Variants in DAB1 observed in about 807,000 individuals in gnomAD.
DAB1 encodes disabled homolog 1.
A neutral mutation model predicts 64.6 loss-of-function variants in DAB1; 15 were observed. The ratio of observed to expected loss-of-function variants is 0.23; its 90% CI spans 0.16 to 0.36. The LOEUF is 0.36. Among genes scored for constraint, DAB1 ranks in the 10% least tolerant of loss-of-function variants. The probability of loss-of-function intolerance (pLI) is 1.00; values close to 1 mark genes in which losing one functional copy is unlikely to be tolerated. For missense variants in DAB1, 596 were observed against 706.7 expected (o/e 0.84, Z 1.78); for synonymous variants, 235 against 251.9 (o/e 0.93, Z 0.64).
At chr1:57,995,077 C>T (rs1445643859) in intron 5 of DAB1, among the ~76,000 whole-genome samples, 2 of 152,122 alleles carry the variant, frequency 1.3e-5, no homozygotes, top group African/African-American at 4.8e-5. Flanking sequence ...GAGCAAGTTA[C>T]CACCCCTCTC....
intron 2 of DAB1, among the ~76,000 whole-genome samples, chr1:57,163,171 G>A (rs777373806): frequency 1.3e-5 from 2 of 152,194 alleles, no homozygotes; most frequent in East Asian, 3.9e-4. Flanking sequence ...TCTGAGAGGG[G>A]GAAGGAAGAT....
chr1:57,269,232 CA>C (rs1267834885), intron 2 of DAB1, among the ~76,000 whole-genome samples: 1 of 152,118 alleles, frequency 6.6e-6, no homozygotes, highest in African/African-American at 2.4e-5. Flanking sequence ...GAGAGCACAG[CA>C]AAATAGAGTT....
chr1:57,085,315 C>T (rs916264818), intron 4 of DAB1, among the ~76,000 whole-genome samples: 11 of 152,250 alleles, frequency 7.2e-5, no homozygotes, highest in Non-Finnish European at 1.3e-4. Context: ...GTCCCTCCTT[C>T]CTGGCATAGA....
chr1:58,529,253 C>T (rs746693437), intron 1 of DAB1, among the ~76,000 whole-genome samples: 7 of 152,154 alleles, frequency 4.6e-5, no homozygotes, highest in Non-Finnish European at 7.3e-5. Context: ...TAGATTTAAA[C>T]AGCACCCAGA....
At chr1:58,465,504 A>G (rs1193529986) in intron 3 of DAB1, among the ~76,000 whole-genome samples, 1 of 152,224 alleles carries the variant, frequency 6.6e-6, no homozygotes, top group East Asian at 1.9e-4. Flanking sequence ...TGGGAAAAGG[A>G]GGCTACAGGC....
At chr1:58,305,949 C>T (rs1192670921) in intron 4 of DAB1, among the ~76,000 whole-genome samples, 1 of 152,158 alleles carries the variant, frequency 6.6e-6, no homozygotes, top group Non-Finnish European at 1.5e-5. Context: ...CCAGTGAACT[C>T]TCAGGCCTGG....
At chr1:57,346,702 C>T (rs1185712619) in intron 1 of DAB1, among the ~76,000 whole-genome samples, 2 of 152,152 alleles carry the variant, frequency 1.3e-5, no homozygotes, top group Admixed American at 1.3e-4. Context: ...CTCCTCTGAA[C>T]ATTTGTTCAA....
chr1:57,956,599 A>C (rs2100257328), intron 5 of DAB1, among the ~76,000 whole-genome samples: 1 of 152,322 alleles, frequency 6.6e-6, no homozygotes, highest in South Asian at 2.1e-4. Flanking sequence ...CAGCACACCA[A>C]AACAGGCAGA....
Position 57,137,296 on chromosome 1 carries a change from T to C in DAB1, c.208-655A>G, listed in dbSNP as rs772731971. Among the ~76,000 whole-genome samples, 78 of 152,274 alleles carry C rather than the reference T, an allele frequency of 5.1e-4. 1 individual carries two copies. The highest frequency in any genetic ancestry group is 3.4e-4 in the Non-Finnish European group (23 of 68,018). ...TCAAATGTTTTATAAGCCGAAGATA[T>C]GTCTATGAGTTAGTGAGAAGGTAAG... is the stretch of plus-strand genomic sequence containing the variant. On this transcript the variant is annotated intron_variant, in intron 3 of 14. Transcript: ENST00000371236.
At chr1:57,423,436 T>C (rs1233633982) in intron 1 of DAB1, among the ~76,000 whole-genome samples, 1 of 151,548 alleles carries the variant, frequency 6.6e-6, no homozygotes, top group African/African-American at 2.4e-5. Context: ...ATCTCAGCGC[T>C]ACGGAGGAGT....
chr1:57,010,649 G>C, intron 14 of DAB1, 31 bp downstream of exon 14: 2 of 1,248,544 alleles, frequency 1.6e-6, no homozygotes, highest in Non-Finnish European at 2.2e-6. Flanking sequence ...ATAGCTTAAG[G>C]GTAAAGGAGA....
At chr1:57,003,786 A>C (rs1645960359) in intron 14 of DAB1, among the ~76,000 whole-genome samples, 1 of 152,176 alleles carries the variant, frequency 6.6e-6, no homozygotes, top group Non-Finnish European at 1.5e-5. Context: ...AGTGAGGTAT[A>C]ATTTACATAC....
intron 3 of DAB1, among the ~76,000 whole-genome samples, chr1:58,396,137 G>T (rs116417497): frequency 1.2e-4 from 18 of 151,726 alleles, no homozygotes; most frequent in Admixed American, 4.6e-4. Context: ...GGGAGGGGAG[G>T]GGGGGATGGA....
At chr1:58,305,105 C>T (rs1662276051) in intron 4 of DAB1, among the ~76,000 whole-genome samples, 1 of 151,990 alleles carries the variant, frequency 6.6e-6, no homozygotes, top group South Asian at 2.1e-4. Context: ...ATCACAGGTG[C>T]AATTCACAGG....
chr1:57,488,188 G>C (rs533966709), intron 7 of DAB1, among the ~76,000 whole-genome samples: 3 of 152,156 alleles, frequency 2.0e-5, no homozygotes, highest in Middle Eastern at 3.4e-3. Flanking sequence ...TGGATTACGA[G>C]GTCAGGAGAT....
chr1:57,722,762 A>G (rs1461213538), intron 6 of DAB1, among the ~76,000 whole-genome samples: 1 of 152,206 alleles, frequency 6.6e-6, no homozygotes, highest in East Asian at 1.9e-4. Context: ...GAGAAAGGGG[A>G]GAACAATGGG....
At chr1:57,941,709 C>T (rs1218439956) in intron 5 of DAB1, among the ~76,000 whole-genome samples, 1 of 152,070 alleles carries the variant, frequency 6.6e-6, no homozygotes, top group Non-Finnish European at 1.5e-5. Flanking sequence ...GTGGTGGGTG[C>T]CTGTAATCCC....
At position 58,230,383 on chromosome 1, in the gene DAB1, C is replaced by T. The variant is rs527820430; in HGVS notation, n.310-79795G>A. On this transcript the variant is annotated intron_variant and non_coding_transcript_variant, in intron 4 of 20. Transcript: ENST00000485760. ...ACCCAGGCAGGAGGTCATCACCAATCTCCACATCTCTCGAGACTCCCAGGC... is the reference window on the plus strand; with the variant it reads ...ACCCAGGCAGGAGGTCATCACCAATTTCCACATCTCTCGAGACTCCCAGGC... Among the ~76,000 whole-genome samples, 16 of 152,334 alleles carry T rather than the reference C, an allele frequency of 1.1e-4. No homozygotes were observed. The East Asian group carries it at 2.5e-3, about 24-fold the overall frequency.
rs1426395769 is a variant in DAB1, at chr1:57,569,131, G to A, written n.625+80461C>T. 1.4e-4 allele frequency among the ~76,000 whole-genome samples: 21 copies of A among 149,692 alleles called. No individual in the cohort carries two copies. In the South Asian group the frequency reaches 2.6e-3, roughly 19 times the overall value. On this transcript the variant is annotated intron_variant and non_coding_transcript_variant, in intron 7 of 20. Coordinates refer to the DAB1 transcript ENST00000485760. Reference sequence around the variant, plus strand: ...AAATTAGCCGGGCGAGATGGCGGGCGCCTGTAGTCCCAGCTACTCGGGAGG... The same window carrying A: ...AAATTAGCCGGGCGAGATGGCGGGCACCTGTAGTCCCAGCTACTCGGGAGG...
Sources: gnomAD v4.1 joint callset for allele counts (sites outside exome capture counted in the v4.1 genomes callset) on GRCh38, gnomAD v4.1.1 for gene constraint, MANE v1.5 for transcripts, NCBI Gene and HGNC (gene_info 2026-07-23, HGNC 2026-07-21) for gene names.